TRIM66: variants seen among roughly 807,000 people sequenced by gnomAD.
TRIM66 encodes the protein tripartite motif containing 66, also known as tripartite motif-containing protein 66.
A neutral mutation model predicts 148.2 loss-of-function variants in TRIM66; 99 were observed. That is an observed-to-expected ratio of 0.67 (90% CI 0.57 to 0.79). The LOEUF (loss-of-function observed/expected upper bound fraction) is 0.79, where lower values mean the gene tolerates loss of function less well. Ranked by LOEUF, TRIM66 falls within the 30% of genes least tolerant of loss-of-function variation. The pLI is 0.00. For missense variants in TRIM66, 1,666 were observed against 1,697.9 expected (o/e 0.98, Z 0.33); for synonymous variants, 616 against 635.9 (o/e 0.97, Z 0.47).
At chr11:8,623,016 CAT>C (rs1169724358) in intron 17 of TRIM66, 140 bp from the exon 18 acceptor site, 18 of 116,994 alleles carry the variant, frequency 1.5e-4, no homozygotes, top group Middle Eastern at 2.4e-3. Flanking sequence ...TATAGTCATT[CAT>C]ACATAGTGGT....
Position 8,625,095 on chromosome 11 carries a change from A to G in TRIM66, c.2444T>C (p.Val815Ala). 1 of 1,551,720 alleles carries G rather than the reference A, an allele frequency of 6.4e-7. No individual in the cohort carries two copies. The highest frequency in any genetic ancestry group is 1.4e-5 in the African/African-American group (1 of 73,174). Residue 815 changes from valine (V) to alanine (A), a missense_variant, in exon 16 of 25, where the codon GTA becomes GCA. Physicochemically the swap from Val to Ala is moderately conservative, Grantham distance 64 (BLOSUM62 0). Around this residue, in one of 3 missense-constraint regions of TRIM66, gnomAD observed 1,431 missense variants for 1,412.4 expected, o/e 1.01. Transcript: ENST00000646038. ...GGGGGGAGCACTCAGCAGGCTTGGT[A>G]CTGCCTGGGGGGCACCAGCTGTCAG... The part of the protein sequence containing the change: ...SNLTAGAPQA[V>A]PSLLSAPPKM...
At chr11:8,627,124 TTAA>T (rs2034926897) in intron 15 of TRIM66, among the ~76,000 whole-genome samples, 1 of 152,256 alleles carries the variant, frequency 6.6e-6, no homozygotes, top group East Asian at 1.9e-4. Context: ...TATCATTTGA[TTAA>T]TGTCTGTTTC....
intron 17 of TRIM66, among the ~76,000 whole-genome samples, chr11:8,623,305 G>C (rs1260919813): frequency 6.6e-6 from 1 of 152,206 alleles, no homozygotes; most frequent in Non-Finnish European, 1.5e-5. Flanking sequence ...CCATGGAAAA[G>C]AGGCTCCCAG....
In TRIM66 at chr11:8,646,556, A is replaced by G; in HGVS notation, c.848T>C (p.Phe283Ser). The G allele has an allele frequency of 6.4e-7, 1 of 1,551,024 alleles. No homozygotes were observed. ...CTTCCTATGCTGATGCTTCACTTCA[A>G]AAATCCTGTAAACACAATGGGACAA... ...TSAKQIEDRI[F>S]EVKHQHRKVE... Residue 283 changes from phenylalanine to serine, a missense_variant, in exon 11 of 25, where the codon TTT becomes TCT. Phe to Ser is a radical substitution (Grantham distance 155). This residue lies in a region of TRIM66 where 1,431 missense variants were observed against 1,412.4 expected (regional missense o/e 1.01). Coordinates refer to ENST00000646038, the MANE Select transcript of TRIM66 (RefSeq NM_001388022.1).
chr11:8,658,166 G>T (rs969252742), intron 6 of TRIM66, among the ~76,000 whole-genome samples: 1 of 152,194 alleles, frequency 6.6e-6, no homozygotes, highest in South Asian at 2.1e-4. Flanking sequence ...AGATACTCCT[G>T]CAAGAAAGAG....
intron 6 of TRIM66, among the ~76,000 whole-genome samples, chr11:8,653,975 C>T (rs1322378804): frequency 6.6e-6 from 1 of 152,154 alleles, no homozygotes. Flanking sequence ...CTGTCCCTCT[C>T]TTCCACTTGG....
At chr11:8,654,741 T>C (rs73408102) in intron 6 of TRIM66, among the ~76,000 whole-genome samples, 2,352 of 152,360 alleles carry the variant, frequency 0.015, 68 homozygotes, top group African/African-American at 0.055. Context: ...TCTTCATCAA[T>C]GTTATAACAA....
At position 8,614,343 on chromosome 11, in the gene TRIM66, A is replaced by C. The variant is rs2033588117; in HGVS notation, c.*3601T>G. On this transcript the variant is annotated 3_prime_UTR_variant, in exon 25 of 25. Coordinates refer to ENST00000646038, the MANE Select transcript of TRIM66 (RefSeq NM_001388022.1). Reference sequence around the variant, plus strand: ...GACAGAGTGAGACTCTCTCTCTCAAAAAATAAAAAATAAATAAATAAATAA... The same window carrying C: ...GACAGAGTGAGACTCTCTCTCTCAACAAATAAAAAATAAATAAATAAATAA... The C allele has an allele frequency of 6.6e-6, 1 of 152,062 alleles. No individual in the cohort carries two copies. The highest frequency in any genetic ancestry group is 2.4e-5 in the African/African-American group (1 of 41,318). The allele number at this position is 152,062 out of a possible 1,614,324, so 9.4% of individuals were successfully genotyped here. A position where few individuals can be genotyped will look rare whatever the true frequency, so the allele number is the denominator to read the frequency against.
chr11:8,682,733 G>A (rs2039503787), upstream of TRIM66: 6 of 1,571,468 alleles, frequency 3.8e-6, no homozygotes, highest in South Asian at 1.1e-5. Context: ...GTGACCGGAA[G>A]TGAGGCGTTT....
Position 8,671,791 on chromosome 11 carries a change from G to A in TRIM66, c.335C>T (p.Ala112Val), listed in dbSNP as rs1326487541. The A allele has an allele frequency of 2.2e-6, 3 of 1,340,288 alleles. No homozygotes were observed. In the Admixed American group the frequency reaches 5.9e-5, roughly 26 times the overall value. 83.0% of individuals were successfully genotyped at this position (1,340,288 alleles called of 1,614,324 possible). A position where few individuals can be genotyped will look rare whatever the true frequency, so the allele number is the denominator to read the frequency against. ...GQIAKAHETV[A>V]DELISCPGCE... The stretch of plus-strand genomic sequence containing the variant: ...TGTGGTGCCTTTGTACTTACCATCT[G>A]CAACAGTCTCATGAGCCTTGGCAAT... The change falls in exon 6 of 25, where the codon GCA (alanine) becomes GTA (valine). Residue 112 changes from alanine (A) to valine (V), a missense_variant. By Grantham distance (64) the Ala-to-Val change is moderately conservative. Around this residue, in one of 3 missense-constraint regions of TRIM66, gnomAD observed 1,431 missense variants for 1,412.4 expected, o/e 1.01. Coordinates refer to ENST00000646038, the MANE Select transcript of TRIM66 (RefSeq NM_001388022.1).
intron 6 of TRIM66, among the ~76,000 whole-genome samples, chr11:8,660,250 C>T (rs953488005): frequency 9.2e-5 from 14 of 152,258 alleles, no homozygotes; most frequent in African/African-American, 3.4e-4. Flanking sequence ...CTCCTTCAAG[C>T]ATCCCATACT....
At chr11:8,668,996 C>T (rs557783926) in intron 6 of TRIM66, among the ~76,000 whole-genome samples, 1 of 152,258 alleles carries the variant, frequency 6.6e-6, no homozygotes, top group East Asian at 1.9e-4. Context: ...TAAAGTAAGT[C>T]ATAGAACAAT....
At chr11:8,618,999 G>A in intron 23 of TRIM66, 31 bp from the exon 24 acceptor site, 5 of 1,537,490 alleles carry the variant, frequency 3.3e-6, no homozygotes, top group Non-Finnish European at 4.4e-6. Flanking sequence ...TGATGGTCTA[G>A]CCTGTTTCTA....
At chr11:8,643,453 C>A (rs759431673) in intron 12 of TRIM66, among the ~76,000 whole-genome samples, 3 of 151,998 alleles carry the variant, frequency 2.0e-5, no homozygotes, top group Non-Finnish European at 4.4e-5. Context: ...CATTCTCCTG[C>A]CTCAGCCTCC....
intron 6 of TRIM66, among the ~76,000 whole-genome samples, chr11:8,657,263 AG>A (rs1310729136): frequency 6.6e-6 from 1 of 152,214 alleles, no homozygotes; most frequent in Non-Finnish European, 1.5e-5. Flanking sequence ...TCTGAGGGTT[AG>A]GAAGACTTCA....
At chr11:8,618,054 T>C in intron 24 of TRIM66, 51 bp from the exon 25 acceptor site, 1 of 1,513,986 alleles carries the variant, frequency 6.6e-7, no homozygotes. Context: ...GTAGGATTTA[T>C]TAACATGAAA....
intron 3 of TRIM66, chr11:8,678,080 T>A (rs931740862): frequency 6.6e-6 from 1 of 152,152 alleles, no homozygotes; most frequent in Non-Finnish European, 1.5e-5. Context: ...ATTGGTACGA[T>A]CCTTTTGGAA....
intron 15 of TRIM66, among the ~76,000 whole-genome samples, chr11:8,635,051 T>C (rs1164942302): frequency 6.6e-6 from 1 of 152,190 alleles, no homozygotes; most frequent in Non-Finnish European, 1.5e-5. Flanking sequence ...TCGGGCTACT[T>C]CAAGGATTGT....
chr11:8,632,650 G>A (rs902830509), intron 15 of TRIM66, among the ~76,000 whole-genome samples: 22 of 151,916 alleles, frequency 1.4e-4, no homozygotes, highest in African/African-American at 4.4e-4. Context: ...TAGAGATGGG[G>A]TTTCACCATG....
Sources: allele counts gnomAD v4.1 joint callset (sites outside exome capture counted in the v4.1 genomes callset), GRCh38; gene constraint gnomAD v4.1.1; regional missense constraint gnomAD v4.1.1; transcripts MANE v1.5; gene names NCBI Gene and HGNC (gene_info 2026-07-23, HGNC 2026-07-21).